The following AGBL4 variants were observed in gnomAD, a reference collection of about 807,000 sequenced individuals.
AGBL4 encodes cytosolic carboxypeptidase 6.
AGBL4 carries 58 observed loss-of-function variants against 66.4 expected under a neutral mutation model. The ratio of observed to expected loss-of-function variants is 0.87; its 90% CI spans 0.71 to 1.09. The LOEUF (loss-of-function observed/expected upper bound fraction) is 1.09. AGBL4 is among the 50% of genes least tolerant of loss of function. The pLI is 0.00. For synonymous variants in AGBL4, 234 were observed against 222.9 expected (o/e 1.05, Z -0.44); for missense variants, 579 against 631.0 (o/e 0.92, Z 0.88).
chr1:49,192,781 C>T (rs1196420732), intron 4 of AGBL4, among the ~76,000 whole-genome samples: 1 of 152,130 alleles, frequency 6.6e-6, no homozygotes, highest in Non-Finnish European at 1.5e-5. Context: ...TCACAACAGC[C>T]CTTGTACTAT....
intron 2 of AGBL4, among the ~76,000 whole-genome samples, chr1:49,840,752 T>A (rs964910663): frequency 1.3e-5 from 2 of 152,182 alleles, no homozygotes; most frequent in Admixed American, 1.3e-4. Context: ...AAAAATCATA[T>A]GACCATCTCA....
chr1:48,754,731 A>G (rs1306208750), intron 6 of AGBL4, among the ~76,000 whole-genome samples: 1 of 152,202 alleles, frequency 6.6e-6, no homozygotes, highest in East Asian at 1.9e-4. Flanking sequence ...GTTGTTTACC[A>G]TGCTAAGATC....
intron 6 of AGBL4, chr1:48,761,494 AG>A: frequency 6.5e-7 from 1 of 1,546,006 alleles, no homozygotes; most frequent in East Asian, 2.4e-5. Flanking sequence ...CAAGAGAACA[AG>A]GTTCATCATG....
chr1:48,648,506 A>G (rs777652679), intron 8 of AGBL4, among the ~76,000 whole-genome samples: 6 of 152,218 alleles, frequency 3.9e-5, no homozygotes, highest in Non-Finnish European at 5.9e-5. Context: ...TGTCTTGTCC[A>G]AGGACAAATA....
intron 3 of AGBL4, among the ~76,000 whole-genome samples, chr1:49,684,980 T>C (rs1646761468): frequency 1.3e-5 from 2 of 152,098 alleles, no homozygotes; most frequent in Non-Finnish European, 2.9e-5. Flanking sequence ...GTGGCTGGGA[T>C]TTCATATACA....
At chr1:49,993,802 A>T (rs1660141279) in intron 1 of AGBL4, among the ~76,000 whole-genome samples, 1 of 144,880 alleles carries the variant, frequency 6.9e-6, no homozygotes, top group Admixed American at 6.8e-5. Context: ...CAACACTACA[A>T]CTGGCCCACA....
chr1:49,199,870 T>G (rs1467422566), intron 4 of AGBL4, among the ~76,000 whole-genome samples: 1 of 152,142 alleles, frequency 6.6e-6, no homozygotes, highest in East Asian at 1.9e-4. Context: ...CCTTGCTGTT[T>G]GTTATAAACA....
chr1:49,366,368 A>G (rs1485416187), intron 3 of AGBL4, among the ~76,000 whole-genome samples: 1 of 152,190 alleles, frequency 6.6e-6, no homozygotes, highest in Non-Finnish European at 1.5e-5. Context: ...TGCCTTCAAA[A>G]AGGTGGCTAT....
In AGBL4 at chr1:49,937,486, A is replaced by G. The variant is rs918395635; in HGVS notation, c.35-85968T>C. Among the ~76,000 whole-genome samples the G allele has an allele frequency of 7.9e-5, 12 of 151,828 alleles. No homozygotes were observed. In the South Asian group the frequency reaches 8.3e-4, roughly 11 times the overall value. On this transcript the variant is annotated intron_variant, in intron 1 of 13. Coordinates refer to ENST00000371839, the MANE Select transcript of AGBL4 (RefSeq NM_032785.4). ...AATTGAACTCAGCTCTGCACCAAGC[A>G]GACCTAATAGACATCTACAGAACTC...
In AGBL4 at chr1:48,646,899, G is replaced by A. The variant is rs528847928; in HGVS notation, c.839+6438C>T. ...AAACGATACCTATAATGTGCAGTGA[G>A]GAGACACTTACATACTAGCTCCTCT... On this transcript the variant is annotated intron_variant, in intron 8 of 13. Transcript: ENST00000371839. 6.6e-5 allele frequency among the ~76,000 whole-genome samples: 10 copies of A among 152,260 alleles called. 1 individual carries two copies. The highest frequency in any genetic ancestry group is 2.4e-4 in the African/African-American group (10 of 41,554).
At chr1:49,943,297 C>T (rs1654931760) in intron 1 of AGBL4, among the ~76,000 whole-genome samples, 2 of 152,076 alleles carry the variant, frequency 1.3e-5, no homozygotes. Flanking sequence ...GATTGCAGTT[C>T]CCACTCCGAT....
At chr1:49,918,376 A>C (rs1257047717) in intron 1 of AGBL4, among the ~76,000 whole-genome samples, 2 of 152,234 alleles carry the variant, frequency 1.3e-5, no homozygotes, top group Non-Finnish European at 2.9e-5. Flanking sequence ...AGAATCAAAT[A>C]GACGCAACAA....
intron 6 of AGBL4, among the ~76,000 whole-genome samples, chr1:48,765,754 G>C (rs1355864032): frequency 6.6e-6 from 1 of 152,194 alleles, no homozygotes; most frequent in African/African-American, 2.4e-5. Context: ...ATGATGTACT[G>C]ACTCATGTTA....
intron 5 of AGBL4, among the ~76,000 whole-genome samples, chr1:48,999,668 TG>T (rs1661257305): frequency 6.6e-6 from 1 of 152,244 alleles, no homozygotes; most frequent in African/African-American, 2.4e-5. Context: ...TTTCTCTCAC[TG>T]GGTCTCTACA....
At chr1:48,818,166 T>G in intron 6 of AGBL4, 1 of 715,502 alleles carries the variant, frequency 1.4e-6, no homozygotes, top group Non-Finnish European at 2.6e-6. Context: ...TAGTCAAATT[T>G]GGAAAGGCCA....
chr1:49,329,172 TG>T (rs66893608), intron 3 of AGBL4, among the ~76,000 whole-genome samples: 12,452 of 151,918 alleles, frequency 0.082, 713 homozygotes, highest in East Asian at 0.16. Flanking sequence ...CCAGGCATGG[TG>T]GCACACATCT....
intron 3 of AGBL4, among the ~76,000 whole-genome samples, chr1:49,384,455 T>G (rs1644692931): frequency 6.6e-6 from 1 of 151,850 alleles, no homozygotes. Flanking sequence ...TAGCTGGGTG[T>G]GGTGGTGTGC....
At chr1:49,234,735 A>G (rs1650586118) in intron 4 of AGBL4, among the ~76,000 whole-genome samples, 1 of 152,128 alleles carries the variant, frequency 6.6e-6, no homozygotes, top group Non-Finnish European at 1.5e-5. Flanking sequence ...GACATTCCCA[A>G]TTTAAAACTA....
intron 6 of AGBL4, among the ~76,000 whole-genome samples, chr1:48,730,976 C>T (rs866600785): frequency 3.3e-5 from 5 of 152,132 alleles, no homozygotes; most frequent in South Asian, 2.1e-4. Context: ...TCCAAAGCAG[C>T]GTCAATGTTT....
Sources: allele counts gnomAD v4.1 joint callset (sites outside exome capture counted in the v4.1 genomes callset), GRCh38; gene constraint gnomAD v4.1.1; transcripts MANE v1.5; gene names NCBI Gene and HGNC (gene_info 2026-07-23, HGNC 2026-07-21).